SH3BP4: variants seen among roughly 807,000 people sequenced by gnomAD.
The protein encoded by SH3BP4 is SH3 domain-binding protein 4.
A neutral mutation model predicts 65.5 loss-of-function variants in SH3BP4; 33 were observed. That is an observed-to-expected ratio of 0.50 (90% CI 0.38 to 0.67). SH3BP4 has a LOEUF of 0.67. Among genes scored for constraint, SH3BP4 ranks in the 30% least tolerant of loss-of-function variants. The pLI is 0.00. For missense variants in SH3BP4, 1,134 were observed against 1,261.4 expected (o/e 0.90, Z 1.53); for synonymous variants, 552 against 545.5 (o/e 1.01, Z -0.17).
chr2:234,960,617 T>A (rs1282349844), intron 1 of SH3BP4, among the ~76,000 whole-genome samples: 1 of 152,164 alleles, frequency 6.6e-6, no homozygotes, highest in Non-Finnish European at 1.5e-5. Context: ...AACTGCTGAA[T>A]TGGGGGAAAG....
rs142612711 is a variant in SH3BP4, at chr2:235,043,824, G to A, written c.2478+577G>A. On this transcript the variant is annotated intron_variant, in intron 4 of 5. Coordinates refer to ENST00000392011, the MANE Select transcript of SH3BP4 (RefSeq NM_014521.3). ...TGATGTCCCGCTGCCTGGGATATAC[G>A]TGTGGGGCTTGAAGTGTGCTTGAAG... 6.0e-3 allele frequency among the ~76,000 whole-genome samples: 909 copies of A among 152,402 alleles called. 10 individuals are homozygous for A. The highest frequency in any genetic ancestry group is 0.018 in the African/African-American group (763 of 41,594).
chr2:234,985,782 C>T (rs564551345), intron 1 of SH3BP4, among the ~76,000 whole-genome samples: 11 of 150,448 alleles, frequency 7.3e-5, no homozygotes, highest in South Asian at 4.3e-4. Flanking sequence ...TCAAGGAGCA[C>T]GGTGCAGGTG....
rs769985577 is a variant in SH3BP4 at position 235,034,934 on chromosome 2, C to T, written c.-69C>T. 73 of 1,334,896 alleles carry T rather than the reference C, an allele frequency of 5.5e-5. No homozygotes were observed. Among genetic ancestry groups the T allele is most frequent in the Non-Finnish European group, 7.7e-5 (72 of 933,776 alleles). 82.7% of individuals were successfully genotyped at this position (1,334,896 alleles called of 1,614,324 possible). On this transcript the variant is annotated 5_prime_UTR_variant, in exon 3 of 6. Coordinates refer to ENST00000392011, the MANE Select transcript of SH3BP4 (RefSeq NM_014521.3). The surrounding 1 kb of genome is among the most constrained non-coding windows in gnomAD (Gnocchi z 6.2). ...TGTTTGCTTGAGGCAGAAGCTTCAG[C>T]ATCTGCTGGGATAACTGGAGGAAGA...
Position 235,035,750 on chromosome 2 carries a change from T to C in SH3BP4, c.118+630T>C, listed in dbSNP as rs1695358239. Among the ~76,000 whole-genome samples the C allele has an allele frequency of 6.6e-6, 1 of 152,226 alleles. No homozygotes were observed. Among genetic ancestry groups the C allele is most frequent in the South Asian group, 2.1e-4 (1 of 4,838 alleles). ...ACCCTGGGTCTCTGGGTTTCTCCAG[T>C]GGCCTCGTAAAATTGAGTTCATGAG... is the stretch of plus-strand genomic sequence containing the variant. On this transcript the variant is annotated intron_variant, in intron 3 of 5. Coordinates refer to ENST00000392011, the MANE Select transcript of SH3BP4 (RefSeq NM_014521.3). The surrounding 1 kb of genome is among the most constrained non-coding windows in gnomAD (Gnocchi z 5.0).
intron 2 of SH3BP4, among the ~76,000 whole-genome samples, chr2:235,028,682 T>G (rs1695080870): frequency 6.6e-6 from 1 of 152,038 alleles, no homozygotes; most frequent in South Asian, 2.1e-4. Context: ...CAGGGACAAG[T>G]CTGTGCATGG....
intron 2 of SH3BP4, among the ~76,000 whole-genome samples, chr2:235,015,582 C>A (rs548592211): frequency 1.3e-5 from 2 of 152,296 alleles, no homozygotes; most frequent in East Asian, 3.9e-4. Context: ...GCCTGAAGGA[C>A]CAGCAGTGAG....
chr2:235,004,894 T>G (rs565769984), intron 2 of SH3BP4, among the ~76,000 whole-genome samples: 1 of 152,354 alleles, frequency 6.6e-6, no homozygotes, highest in East Asian at 1.9e-4. Context: ...TTCCAAGTTC[T>G]TGGAGAGATC....
intron 1 of SH3BP4, among the ~76,000 whole-genome samples, chr2:234,993,761 A>G (rs56230012): frequency 0.11 from 16,330 of 152,274 alleles, 1,403 homozygotes; most frequent in East Asian, 0.3. Flanking sequence ...TCTGAGCAAC[A>G]TGGTAGACCC....
chr2:235,003,435 G>A (rs140812352), intron 2 of SH3BP4, among the ~76,000 whole-genome samples: 11 of 152,344 alleles, frequency 7.2e-5, no homozygotes, highest in Non-Finnish European at 1.3e-4. Flanking sequence ...TGTACAGGTC[G>A]GGGCATGAGA....
At chr2:234,955,329 C>T (rs1330264451) in intron 1 of SH3BP4, among the ~76,000 whole-genome samples, 1 of 152,112 alleles carries the variant, frequency 6.6e-6, no homozygotes, top group Admixed American at 6.5e-5. Flanking sequence ...GCTATTTGCA[C>T]GAAAGAAGCC....
At chr2:234,962,767 T>C (rs1692744601) in intron 1 of SH3BP4, among the ~76,000 whole-genome samples, 1 of 152,040 alleles carries the variant, frequency 6.6e-6, no homozygotes, top group South Asian at 2.1e-4. Flanking sequence ...TTGAGACTTT[T>C]TAGGCTGGAG....
At chr2:235,021,331 G>A (rs778904069) in intron 2 of SH3BP4, among the ~76,000 whole-genome samples, 7 of 152,096 alleles carry the variant, frequency 4.6e-5, no homozygotes, top group South Asian at 4.2e-4. Flanking sequence ...ATTTGGAAGA[G>A]GGCCGGGTGT....
intron 2 of SH3BP4, among the ~76,000 whole-genome samples, chr2:235,015,341 A>G (rs1694656701): frequency 6.6e-6 from 1 of 152,172 alleles, no homozygotes; most frequent in African/African-American, 2.4e-5. Context: ...CTGGGTCACG[A>G]TGAACCTCTG....
intron 2 of SH3BP4, among the ~76,000 whole-genome samples, chr2:235,005,651 G>C (rs1458537487): frequency 1.3e-5 from 2 of 152,144 alleles, no homozygotes; most frequent in Non-Finnish European, 2.9e-5. Flanking sequence ...TGGCTTCCTC[G>C]TGTCCAGGCT....
chr2:235,022,422 G>T (rs6710682), intron 2 of SH3BP4, among the ~76,000 whole-genome samples: 1 of 151,964 alleles, frequency 6.6e-6, no homozygotes, highest in Admixed American at 6.6e-5. Flanking sequence ...GTGTGGTGGC[G>T]CACACCTGTG....
At chr2:235,012,946 G>C (rs1464312313) in intron 2 of SH3BP4, among the ~76,000 whole-genome samples, 1 of 152,210 alleles carries the variant, frequency 6.6e-6, no homozygotes, top group Non-Finnish European at 1.5e-5. Flanking sequence ...CTGCGCCTAG[G>C]CTGTGGGGCT....
intron 2 of SH3BP4, among the ~76,000 whole-genome samples, chr2:235,011,387 A>G (rs1694500321): frequency 6.6e-6 from 1 of 152,248 alleles, no homozygotes; most frequent in Non-Finnish European, 1.5e-5. Flanking sequence ...TAAGGACACC[A>G]GTGATTGGAG....
chr2:235,037,412 G>A (rs1467944770), intron 3 of SH3BP4, among the ~76,000 whole-genome samples: 2 of 152,206 alleles, frequency 1.3e-5, no homozygotes, highest in Non-Finnish European at 2.9e-5. Flanking sequence ...CTGATCCCTT[G>A]AGTGAGATCT....
At chr2:235,009,892 A>G (rs571737410) in intron 2 of SH3BP4, among the ~76,000 whole-genome samples, 31 of 151,930 alleles carry the variant, frequency 2.0e-4, no homozygotes, top group African/African-American at 6.5e-4. Context: ...CGCCACCTCC[A>G]TGTCACCCCC....
Sources: gnomAD v4.1 joint callset for allele counts (sites outside exome capture counted in the v4.1 genomes callset) on GRCh38, gnomAD v4.1.1 for gene constraint, Gnocchi (gnomAD v3.1) non-coding constraint, MANE v1.5 for transcripts, NCBI Gene and HGNC (gene_info 2026-07-23, HGNC 2026-07-21) for gene names.